The following DPP6 variants were observed in gnomAD, a reference collection of about 807,000 sequenced individuals.
The protein encoded by DPP6 is dipeptidyl peptidase like 6.
In DPP6, 69 loss-of-function variants were observed where a neutral mutation model predicts 122.6. The ratio of observed to expected loss-of-function variants is 0.56; its 90% CI spans 0.46 to 0.69. The LOEUF is 0.69. Ranked by LOEUF, DPP6 falls within the 30% of genes least tolerant of loss-of-function variation. DPP6 has a pLI of 0.00. For synonymous variants in DPP6, 418 were observed against 433.1 expected (o/e 0.97, Z 0.43); for missense variants, 928 against 1,116.9 (o/e 0.83, Z 2.41).
At chr7:154,055,469 A>T (rs1397085702) in intron 1 of DPP6, 1 of 150,316 alleles carries the variant, frequency 6.7e-6, no homozygotes, top group Non-Finnish European at 1.5e-5. Flanking sequence ...AAAACAAAAA[A>T]AGAGATTAGG....
intron 3 of DPP6, among the ~76,000 whole-genome samples, chr7:154,510,971 CAGAGAGAGAG>C (rs376724364): frequency 5.7e-4 from 69 of 120,302 alleles, no homozygotes; most frequent in Non-Finnish European, 5.5e-4. Flanking sequence ...CACACACACA[CAGAGAGAGAG>C]AGAGCAAGGA....
At chr7:154,044,608 G>A (rs73729264) in intron 1 of DPP6, among the ~76,000 whole-genome samples, 2,678 of 152,240 alleles carry the variant, frequency 0.018, 90 homozygotes, top group African/African-American at 0.06. Context: ...ACCTAAAGTA[G>A]CATCAACTCG....
chr7:153,792,582 C>T, the DPP6 span, among the ~76,000 whole-genome samples: 1 of 152,006 alleles, frequency 6.6e-6, no homozygotes, highest in African/African-American at 2.4e-5. Flanking sequence ...TGAATTTTGT[C>T]AGTGTTTGTC....
At chr7:154,432,203 T>C (rs550692968) in intron 1 of DPP6, among the ~76,000 whole-genome samples, 1 of 152,366 alleles carries the variant, frequency 6.6e-6, no homozygotes, top group Admixed American at 6.5e-5. Context: ...ATTTAGGCTC[T>C]AATGAATTCC....
chr7:154,261,430 A>C (rs1205617269), intron 1 of DPP6, among the ~76,000 whole-genome samples: 1 of 152,230 alleles, frequency 6.6e-6, no homozygotes, highest in Non-Finnish European at 1.5e-5. Context: ...TGAAACTATA[A>C]AAATTCTAGA....
intron 1 of DPP6, among the ~76,000 whole-genome samples, chr7:154,346,278 A>G (rs1007538918): frequency 1.3e-5 from 2 of 152,080 alleles, no homozygotes; most frequent in South Asian, 2.1e-4. Flanking sequence ...TCTCAAACCT[A>G]CTTTACAGTG....
chr7:154,228,687 AC>A (rs1300489740), intron 1 of DPP6, among the ~76,000 whole-genome samples: 1 of 152,132 alleles, frequency 6.6e-6, no homozygotes, highest in Non-Finnish European at 1.5e-5. Flanking sequence ...ATATAAGGGA[AC>A]TTTTAAAGTT....
At chr7:154,105,187 G>A (rs535050569) in intron 1 of DPP6, among the ~76,000 whole-genome samples, 5 of 152,240 alleles carry the variant, frequency 3.3e-5, no homozygotes, top group African/African-American at 9.6e-5. Flanking sequence ...CCTCTGACAC[G>A]TAATCTAAGA....
intron 1 of DPP6, among the ~76,000 whole-genome samples, chr7:154,088,229 T>G (rs1563186271): frequency 2.6e-5 from 4 of 151,984 alleles, no homozygotes. Flanking sequence ...CTGTGCTCTC[T>G]GCCTGCCTAA....
At chr7:154,794,337 C>G (rs956418904) in intron 11 of DPP6, 135 bp downstream of exon 11, 17 of 1,361,154 alleles carry the variant, frequency 1.2e-5, no homozygotes, top group East Asian at 2.8e-5. Context: ...GCGGGGAGCC[C>G]GCGGCGCAGA....
At chr7:154,882,566 G>A (rs1197917003) in intron 21 of DPP6, among the ~76,000 whole-genome samples, 1 of 152,138 alleles carries the variant, frequency 6.6e-6, no homozygotes, top group Non-Finnish European at 1.5e-5. Flanking sequence ...GGCATCGCAG[G>A]ACCTGGGACA....
the DPP6 span, among the ~76,000 whole-genome samples, chr7:153,812,050 C>T: frequency 6.6e-6 from 1 of 152,162 alleles, no homozygotes; most frequent in Non-Finnish European, 1.5e-5. Flanking sequence ...CACACCTTGA[C>T]TTCATCTCTG....
chr7:153,973,675 G>GTGTGTGTGTGTGTGTGTC (rs61194333), intron 1 of DPP6, among the ~76,000 whole-genome samples: 2 of 132,982 alleles, frequency 1.5e-5, no homozygotes, highest in Admixed American at 7.7e-5. Flanking sequence ...GTGTGTGTGT[G>GTGTGTGTGTGTGTGTGTC]TCTAATGGTA....
the DPP6 span, among the ~76,000 whole-genome samples, chr7:153,795,625 CCTTT>C: frequency 6.6e-6 from 1 of 152,022 alleles, no homozygotes; most frequent in Non-Finnish European, 1.5e-5. Context: ...ACTTTTATTT[CCTTT>C]CTTCTACTTC....
intron 1 of DPP6, among the ~76,000 whole-genome samples, chr7:154,132,059 T>A (rs1478684136): frequency 6.6e-6 from 1 of 152,186 alleles, no homozygotes; most frequent in East Asian, 1.9e-4. Flanking sequence ...CACTTCCTCC[T>A]AAATTTAACC....
chr7:154,772,857 A>T lies in DPP6; in HGVS notation c.1051A>T (p.Asn351Tyr). 6.2e-7 allele frequency: 1 copy of T among 1,612,750 alleles called. No homozygotes were observed. The highest frequency in any genetic ancestry group is 8.5e-7 in the Non-Finnish European group (1 of 1,179,544). The change falls in exon 10 of 26, where the codon AAC becomes TAC. Residue 351 changes from asparagine to tyrosine, a missense_variant. Asn to Tyr is a moderately radical substitution (Grantham distance 143). Coordinates refer to ENST00000377770, the MANE Select transcript of DPP6 (RefSeq NM_130797.4). ...TTTTAATCCCCAGGCTGGAAGTGAGAACCCCAGCATTTCCCTACACGTTAT... is the reference window on the plus strand; with the variant it reads ...TTTTAATCCCCAGGCTGGAAGTGAGTACCCCAGCATTTCCCTACACGTTAT... The part of the protein sequence containing the change: ...PYHYPKAGSE[N>Y]PSISLHVIGL...
intron 17 of DPP6, among the ~76,000 whole-genome samples, chr7:154,864,982 C>T (rs1803730771): frequency 6.6e-6 from 1 of 152,190 alleles, no homozygotes; most frequent in Non-Finnish European, 1.5e-5. Context: ...TCATGACCAG[C>T]ATTTGAGATC....
rs2151369038 is a variant in DPP6 at position 154,481,441 on chromosome 7, C to T, written c.457+6404C>T. 6.6e-6 allele frequency among the ~76,000 whole-genome samples: 1 copy of T among 151,682 alleles called. No individual in the cohort carries two copies. Among genetic ancestry groups the T allele is most frequent in the East Asian group, 1.9e-4 (1 of 5,140 alleles). On this transcript the variant is annotated intron_variant, in intron 3 of 25. Transcript: ENST00000377770. The surrounding 1 kb of genome is among the most constrained non-coding windows in gnomAD (Gnocchi z 4.2). ...CCACTGCAGTATCTTACATTCACCT[C>T]ACATCCTCATGCCCAGCACTACATC...
exon 1 of DPP6, chr7:153,887,521 G>A: frequency 2.9e-6 from 2 of 694,924 alleles, no homozygotes; most frequent in Non-Finnish European, 5.1e-6. Context: ...ACGGGCAGGG[G>A]TGCGCGGAGG....
Sources: allele counts gnomAD v4.1 joint callset (sites outside exome capture counted in the v4.1 genomes callset), GRCh38; gene constraint gnomAD v4.1.1; non-coding constraint Gnocchi (gnomAD v3.1); transcripts MANE v1.5; gene names NCBI Gene and HGNC (gene_info 2026-07-23, HGNC 2026-07-21).